The following SPATA13 variants were observed in gnomAD, a reference collection of about 807,000 sequenced individuals.
SPATA13 encodes the protein spermatogenesis associated 13.
A neutral mutation model predicts 104.0 loss-of-function variants in SPATA13; 50 were observed. The ratio of observed to expected loss-of-function variants is 0.48; its 90% confidence interval spans 0.38 to 0.61. SPATA13 has a LOEUF of 0.61. SPATA13 is among the 20% of genes least tolerant of loss of function. The probability of loss-of-function intolerance (pLI) is 0.00; values close to 1 mark genes in which losing one functional copy is unlikely to be tolerated. For missense variants in SPATA13, 1,524 were observed against 1,690.6 expected (o/e 0.90, Z 1.73); for synonymous variants, 606 against 667.5 (o/e 0.91, Z 1.42).
At chr13:24,012,647 G>A (rs765219945) in intron 2 of SPATA13, among the ~76,000 whole-genome samples, 1 of 152,192 alleles carries the variant, frequency 6.6e-6, no homozygotes, top group African/African-American at 2.4e-5. Context: ...TTCCCTCCCC[G>A]TCTTCCGCAG....
chr13:24,032,975 G>T (rs1877536034), intron 3 of SPATA13, among the ~76,000 whole-genome samples: 1 of 152,226 alleles, frequency 6.6e-6, no homozygotes, highest in South Asian at 2.1e-4. Context: ...ATTTTGGGTA[G>T]ATTGGAAAGG....
chr13:24,251,374 C>A, intron 3 of SPATA13: 2 of 737,232 alleles, frequency 2.7e-6, no homozygotes, highest in Non-Finnish European at 1.7e-6. Flanking sequence ...CATCTTCTTA[C>A]CCTTGTGACC....
chr13:24,117,629 G>T (rs1880889048), intron 3 of SPATA13, among the ~76,000 whole-genome samples: 1 of 151,984 alleles, frequency 6.6e-6, no homozygotes, highest in South Asian at 2.1e-4. Flanking sequence ...GTCCCAAAAG[G>T]AGCCTTCCTA....
chr13:24,160,168 C>A (rs142816683), upstream of SPATA13, among the ~76,000 whole-genome samples: 515 of 152,316 alleles, frequency 3.4e-3, 1 homozygote, highest in African/African-American at 0.012. Context: ...GGCAGTGGGG[C>A]ACGGTTGCCC....
At chr13:24,050,368 C>T (rs1263186776) in intron 3 of SPATA13, among the ~76,000 whole-genome samples, 1 of 152,132 alleles carries the variant, frequency 6.6e-6, no homozygotes, top group Non-Finnish European at 1.5e-5. Flanking sequence ...AGCCAAATTT[C>T]CCCGCTTGAC....
At chr13:24,047,028 C>G (rs995137267) in intron 3 of SPATA13, among the ~76,000 whole-genome samples, 1 of 152,082 alleles carries the variant, frequency 6.6e-6, no homozygotes, top group South Asian at 2.1e-4. Flanking sequence ...ATTTGGTGAA[C>G]AGCAGGCTAG....
At chr13:24,189,923 AT>A (rs1869493097) in intron 1 of SPATA13, among the ~76,000 whole-genome samples, 1 of 94,222 alleles carries the variant, frequency 1.1e-5, no homozygotes, top group Non-Finnish European at 1.8e-5. Flanking sequence ...AATATATATT[AT>A]ATAATTATAT....
At chr13:24,172,751 C>G (rs1330790916) in intron 1 of SPATA13, among the ~76,000 whole-genome samples, 3 of 152,166 alleles carry the variant, frequency 2.0e-5, no homozygotes, top group Non-Finnish European at 4.4e-5. Context: ...TCTTGATTAT[C>G]ACAGCTGCAT....
chr13:24,120,516 C>T (rs1880999832), intron 3 of SPATA13, among the ~76,000 whole-genome samples: 1 of 152,142 alleles, frequency 6.6e-6, no homozygotes, highest in Admixed American at 6.5e-5. Flanking sequence ...GTCAGATTAC[C>T]TGGATTCAAA....
Position 24,223,355 on chromosome 13 carries a change from T to A in SPATA13, c.426T>A (p.His142Gln), listed in dbSNP as rs75191070. The part of the protein sequence containing the change: ...NACSKGEASE[H>Q]GLGKSIPNGA... ...GTTCAAAGGGAGAGGCTTCGGAGCATGGCCTGGGAAAGTCCATCCCAAATG... is the reference window on the plus strand; with the variant it reads ...GTTCAAAGGGAGAGGCTTCGGAGCAAGGCCTGGGAAAGTCCATCCCAAATG... Residue 142 changes from histidine (H) to glutamine (Q), a missense_variant, in exon 2 of 13, where the codon CAT becomes CAA. Around this residue, in one of 2 missense-constraint regions of SPATA13, gnomAD observed 1,089 missense variants for 1,135.9 expected, o/e 0.96. Transcript: ENST00000382108. 8.1e-4 allele frequency: 1,255 copies of A among 1,551,344 alleles called. 5 individuals are homozygous for A. In the African/African-American group the frequency reaches 0.015, roughly 19 times the overall value.
At position 24,302,623 on chromosome 13, in the gene SPATA13, A is replaced by ACCG. The variant is rs748031338; in HGVS notation, c.3686_3688dup (p.Pro1229dup). ...GCTACAACAGGTGCCCTGTGGCCCCACCGCACCAGGGCCTGCACCCCATCC... is the reference window on the plus strand; with the variant it reads ...GCTACAACAGGTGCCCTGTGGCCCCACCGCCGCACCAGGGCCTGCACCCCATCC... On this transcript the variant is annotated inframe_insertion, in exon 13 of 13. Transcript: ENST00000382108. 6.2e-7 allele frequency: 1 copy of ACCG among 1,611,090 alleles called. No individual in the cohort carries two copies. The highest frequency in any genetic ancestry group is 1.7e-5 in the Admixed American group (1 of 59,862).
chr13:24,161,552 G>A lies in SPATA13; in HGVS notation c.-112+620G>A, dbSNP rs1050121991. Among the ~76,000 whole-genome samples, 22 of 152,150 alleles carry A rather than the reference G, an allele frequency of 1.4e-4. No homozygotes were observed. Among genetic ancestry groups the A allele is most frequent in the African/African-American group, 5.3e-4 (22 of 41,436 alleles). ...GGTCCCATTCTGTGCAGGAGGTGGG[G>A]GAATTGGTACTCCAGCCCCAGGCAG... On this transcript the variant is annotated intron_variant, in intron 1 of 12. Transcript: ENST00000382108. The surrounding 1 kb of genome is among the most constrained non-coding windows in gnomAD (Gnocchi z 4.5).
At chr13:24,226,876 T>A (rs1006477195) in intron 2 of SPATA13, among the ~76,000 whole-genome samples, 10 of 152,200 alleles carry the variant, frequency 6.6e-5, no homozygotes, top group African/African-American at 2.4e-4. Context: ...ACTTTCAGAT[T>A]GAGATTAGTC....
intron 3 of SPATA13, among the ~76,000 whole-genome samples, chr13:24,111,730 A>G (rs1372236754): frequency 6.6e-6 from 1 of 152,166 alleles, no homozygotes; most frequent in African/African-American, 2.4e-5. Context: ...AATGTAATCA[A>G]ATTGATCATT....
rs142261154 is a variant in SPATA13 at position 24,251,827 on chromosome 13, G to T, written c.2129G>T (p.Arg710Leu). ...CAGAGCACCCCCATTGGGTTGGACC[G>T]TGTGGGACGCCGGCGGCAGATGAGA... ...FSQSTPIGLD[R>L]VGRRRQMRAS... The change falls in exon 4 of 13, where the codon CGT becomes CTT. Residue 710 changes from arginine (R) to leucine (L), a missense_variant. By Grantham distance (102) the Arg-to-Leu change is moderately radical. Coordinates refer to ENST00000382108, the MANE Select transcript of SPATA13 (RefSeq NM_001166271.3). The T allele has an allele frequency of 6.2e-7, 1 of 1,613,852 alleles. No individual in the cohort carries two copies. Among genetic ancestry groups the T allele is most frequent in the South Asian group, 1.1e-5 (1 of 91,046 alleles).
intron 3 of SPATA13, among the ~76,000 whole-genome samples, chr13:24,060,983 G>A (rs1350321278): frequency 2.6e-5 from 4 of 152,170 alleles, no homozygotes; most frequent in Admixed American, 2.0e-4. Flanking sequence ...AGGTTGCAGT[G>A]AGCTGAGAGC....
chr13:24,280,311 A>G (rs1875399404), intron 4 of SPATA13, among the ~76,000 whole-genome samples: 1 of 152,138 alleles, frequency 6.6e-6, no homozygotes, highest in Non-Finnish European at 1.5e-5. Flanking sequence ...TTAATTGTGA[A>G]TTTATACATG....
chr13:24,159,133 T>A (rs570826761), upstream of SPATA13, among the ~76,000 whole-genome samples: 9 of 151,700 alleles, frequency 5.9e-5, no homozygotes, highest in African/African-American at 1.7e-4. Flanking sequence ...ACCGTGATAT[T>A]TTTTTTTAAA....
At chr13:24,089,945 C>G (rs1227199941) in intron 3 of SPATA13, among the ~76,000 whole-genome samples, 1 of 152,206 alleles carries the variant, frequency 6.6e-6, no homozygotes, top group African/African-American at 2.4e-5. Flanking sequence ...ATGGCATGGA[C>G]TTGTCCCCTC....
Sources: gnomAD v4.1 joint callset for allele counts (sites outside exome capture counted in the v4.1 genomes callset) on GRCh38, gnomAD v4.1.1 for gene constraint, gnomAD v4.1.1 regional missense constraint, Gnocchi (gnomAD v3.1) non-coding constraint, MANE v1.5 for transcripts, NCBI Gene and HGNC (gene_info 2026-07-23, HGNC 2026-07-21) for gene names.